RSPO2: variants seen among roughly 807,000 people sequenced by gnomAD.
RSPO2 encodes the protein R-spondin 2.
In RSPO2, 14 loss-of-function variants were observed where a neutral mutation model predicts 30.9. The observed-to-expected ratio is 0.45, with a 90% CI of 0.30 to 0.71. RSPO2 has a LOEUF of 0.71. Among genes scored for constraint, RSPO2 ranks in the 30% least tolerant of loss-of-function variants. The pLI, the probability that RSPO2 is intolerant of heterozygous loss-of-function variation, is 0.08. For synonymous variants in RSPO2, 107 were observed against 96.4 expected (o/e 1.11, Z -0.64); for missense variants, 264 against 301.9 (o/e 0.87, Z 0.93).
intron 5 of RSPO2, among the ~76,000 whole-genome samples, chr8:107,921,422 T>C (rs1318599871): frequency 6.6e-6 from 1 of 152,036 alleles, no homozygotes; most frequent in South Asian, 2.1e-4. Flanking sequence ...ACATCACTTA[T>C]AAAAGTTATT....
chr8:108,062,666 C>A (rs959307191), intron 2 of RSPO2, among the ~76,000 whole-genome samples: 1 of 151,820 alleles, frequency 6.6e-6, no homozygotes, highest in African/African-American at 2.4e-5. Flanking sequence ...AGACGGAATC[C>A]TCCCTAACTC....
At chr8:107,908,485 TA>T (rs1298538924) in intron 5 of RSPO2, among the ~76,000 whole-genome samples, 4 of 152,206 alleles carry the variant, frequency 2.6e-5, no homozygotes, top group Non-Finnish European at 2.9e-5. Context: ...ACGACTCTAC[TA>T]TTTGTGTGAA....
At chr8:107,997,053 G>A in intron 2 of RSPO2, 7 of 254,608 alleles carry the variant, frequency 2.7e-5, no homozygotes, top group South Asian at 2.3e-4. Flanking sequence ...CAGTGCTGAA[G>A]GACAAGAGCC....
chr8:107,951,677 TGG>T (rs1472677660), intron 5 of RSPO2, among the ~76,000 whole-genome samples: 1 of 152,100 alleles, frequency 6.6e-6, no homozygotes, highest in Non-Finnish European at 1.5e-5. Context: ...AGATTCCAGA[TGG>T]GAAGCTGTAG....
At chr8:108,061,800 G>A (rs1812475313) in intron 2 of RSPO2, among the ~76,000 whole-genome samples, 1 of 151,792 alleles carries the variant, frequency 6.6e-6, no homozygotes, top group Non-Finnish European at 1.5e-5. Flanking sequence ...GCACTCCTCA[G>A]CAAATGTAAA....
intron 5 of RSPO2, among the ~76,000 whole-genome samples, chr8:107,904,212 C>T (rs1586526191): frequency 1.3e-5 from 2 of 152,036 alleles, no homozygotes; most frequent in African/African-American, 4.8e-5. Context: ...AATTGCTGCA[C>T]ATTCCCAAGC....
At chr8:107,991,595 T>C (rs1274442615) in intron 2 of RSPO2, among the ~76,000 whole-genome samples, 1 of 152,020 alleles carries the variant, frequency 6.6e-6, no homozygotes, top group Non-Finnish European at 1.5e-5. Context: ...GAAAATATCA[T>C]CAGACTGAAC....
intron 2 of RSPO2, among the ~76,000 whole-genome samples, chr8:108,067,523 A>C (rs1812707970): frequency 6.6e-6 from 1 of 152,356 alleles, no homozygotes; most frequent in East Asian, 1.9e-4. Context: ...TGGGTGAGGC[A>C]TATGTAGGGA....
intron 5 of RSPO2, among the ~76,000 whole-genome samples, chr8:107,915,540 C>T (rs564975883): frequency 3.8e-4 from 58 of 152,192 alleles, no homozygotes; most frequent in Admixed American, 2.0e-3. Context: ...GGAAGGTATA[C>T]TCTTGGAGTT....
chr8:107,951,612 C>G (rs1813250928), intron 5 of RSPO2, among the ~76,000 whole-genome samples: 1 of 151,838 alleles, frequency 6.6e-6, no homozygotes, highest in Non-Finnish European at 1.5e-5. Context: ...TTACAAGTAC[C>G]CATAAAAGAG....
intron 2 of RSPO2, among the ~76,000 whole-genome samples, chr8:108,059,470 A>C (rs954514296): frequency 6.6e-6 from 1 of 151,588 alleles, no homozygotes; most frequent in Non-Finnish European, 1.5e-5. Flanking sequence ...TAGAACTAGA[A>C]ATACCATTTG....
At chr8:108,064,389 A>G (rs1311558071) in intron 2 of RSPO2, among the ~76,000 whole-genome samples, 1 of 152,222 alleles carries the variant, frequency 6.6e-6, no homozygotes, top group African/African-American at 2.4e-5. Flanking sequence ...TCTCAAAAGA[A>G]GACATTTTTG....
intron 3 of RSPO2, among the ~76,000 whole-genome samples, chr8:107,978,039 T>A (rs1563547626): frequency 6.6e-6 from 1 of 152,112 alleles, no homozygotes; most frequent in Admixed American, 6.6e-5. Flanking sequence ...CTCCTTTTGC[T>A]ATCTATCAAT....
intron 5 of RSPO2, among the ~76,000 whole-genome samples, chr8:107,922,715 C>A (rs1326296741): frequency 6.6e-6 from 1 of 152,080 alleles, no homozygotes; most frequent in Non-Finnish European, 1.5e-5. Flanking sequence ...TACTACGGGG[C>A]TGCAAACAAC....
intron 3 of RSPO2, among the ~76,000 whole-genome samples, chr8:107,981,767 G>A (rs887397323): frequency 6.6e-6 from 1 of 152,014 alleles, no homozygotes; most frequent in African/African-American, 2.4e-5. Context: ...GGCTGAAGTG[G>A]GAGGATTGTT....
intron 2 of RSPO2, among the ~76,000 whole-genome samples, chr8:108,060,558 T>C (rs1048549467): frequency 7.2e-5 from 11 of 151,828 alleles, no homozygotes; most frequent in African/African-American, 1.2e-4. Context: ...CTACGTCCGA[T>C]TGGTGTACCT....
chr8:107,980,270 C>T (rs950455267), intron 3 of RSPO2, among the ~76,000 whole-genome samples: 1 of 152,038 alleles, frequency 6.6e-6, no homozygotes, highest in African/African-American at 2.4e-5. Context: ...CCTAGTATAT[C>T]AGCAGTAAAT....
At chr8:108,060,341 G>A in intron 2 of RSPO2, among the ~76,000 whole-genome samples, 1 of 151,766 alleles carries the variant, frequency 6.6e-6, no homozygotes, top group East Asian at 1.9e-4. Context: ...GTCCTTAAAT[G>A]ACCTGATGGA....
intron 3 of RSPO2, chr8:107,983,359 G>A: frequency 1.2e-6 from 2 of 1,609,882 alleles, no homozygotes; most frequent in South Asian, 1.1e-5. Flanking sequence ...CCAGGGTGAA[G>A]CAAGATTGAA....
Sources: allele counts gnomAD v4.1 joint callset (sites outside exome capture counted in the v4.1 genomes callset), GRCh38; gene constraint gnomAD v4.1.1; transcripts MANE v1.5; gene names NCBI Gene and HGNC (gene_info 2026-07-23, HGNC 2026-07-21).